The following CDH18 variants were observed in gnomAD, a reference collection of about 807,000 sequenced individuals.
CDH18 encodes the protein cadherin-18.
In CDH18, 31 loss-of-function variants were observed where a neutral mutation model predicts 67.9. The observed-to-expected ratio is 0.46, with a 90% CI of 0.34 to 0.62. CDH18 has a LOEUF of 0.62. Ranked by LOEUF, CDH18 falls within the 20% of genes least tolerant of loss-of-function variation. The pLI is 0.01. For missense variants in CDH18, 890 were observed against 975.5 expected, an observed-to-expected ratio of 0.91 and a Z score of 1.17; for synonymous variants, 362 against 347.2, an observed-to-expected ratio of 1.04 and a Z score of -0.48.
At chr5:19,929,064 G>A (rs988519354) in intron 2 of CDH18, among the ~76,000 whole-genome samples, 1 of 151,954 alleles carries the variant, frequency 6.6e-6, no homozygotes, top group East Asian at 1.9e-4. Context: ...TATAAATACT[G>A]TAAACAAAAT....
At chr5:20,555,845 CCA>C (rs943441198) in intron 1 of CDH18, among the ~76,000 whole-genome samples, 2 of 151,772 alleles carry the variant, frequency 1.3e-5, no homozygotes, top group African/African-American at 4.8e-5. Context: ...TTAAAAATTC[CCA>C]GAGGTATTTT....
chr5:20,479,953 C>T (rs1407966962), intron 1 of CDH18, among the ~76,000 whole-genome samples: 2 of 152,048 alleles, frequency 1.3e-5, no homozygotes, highest in Admixed American at 1.3e-4. Context: ...TCAATAAAAA[C>T]CTTACAGGGA....
intron 2 of CDH18, among the ~76,000 whole-genome samples, chr5:20,185,271 A>C (rs571344076): frequency 6.6e-6 from 1 of 152,104 alleles, no homozygotes; most frequent in East Asian, 1.9e-4. Flanking sequence ...TCCACAGTCC[A>C]CTATATATTA....
chr5:19,602,177 C>T (rs1454198781), intron 6 of CDH18, among the ~76,000 whole-genome samples: 2 of 152,064 alleles, frequency 1.3e-5, no homozygotes, highest in Non-Finnish European at 2.9e-5. Context: ...TCACAGATGA[C>T]ATGATCTTAT....
chr5:19,524,416 C>T (rs1747414031), intron 9 of CDH18, among the ~76,000 whole-genome samples: 1 of 151,106 alleles, frequency 6.6e-6, no homozygotes, highest in African/African-American at 2.4e-5. Flanking sequence ...TAGAAACTAA[C>T]ATTAAATATC....
intron 2 of CDH18, among the ~76,000 whole-genome samples, chr5:20,214,991 T>A (rs1332513230): frequency 6.6e-6 from 1 of 151,872 alleles, no homozygotes; most frequent in Non-Finnish European, 1.5e-5. Context: ...TTAACAGATT[T>A]ACAATAAAAA....
At chr5:19,898,989 G>A (rs1218471501) in intron 2 of CDH18, among the ~76,000 whole-genome samples, 1 of 152,140 alleles carries the variant, frequency 6.6e-6, no homozygotes, top group African/African-American at 2.4e-5. Flanking sequence ...TAAAAAGTGA[G>A]CAAAATACTA....
At chr5:19,936,628 GA>G (rs989702691) in intron 2 of CDH18, among the ~76,000 whole-genome samples, 8 of 150,030 alleles carry the variant, frequency 5.3e-5, no homozygotes, top group African/African-American at 1.9e-4. Context: ...TTTCTTTAAA[GA>G]AAAAAAATAA....
At chr5:19,957,295 C>A (rs1039474272) in intron 2 of CDH18, among the ~76,000 whole-genome samples, 6 of 151,160 alleles carry the variant, frequency 4.0e-5, no homozygotes, top group African/African-American at 1.5e-4. Context: ...CACAAACATG[C>A]ATATATGTAT....
At chr5:20,549,253 A>G (rs1757505730) in intron 1 of CDH18, among the ~76,000 whole-genome samples, 1 of 152,142 alleles carries the variant, frequency 6.6e-6, no homozygotes. Flanking sequence ...GGTTTTATAA[A>G]TGTTTGTGCT....
At chr5:20,387,149 T>A (rs941862596) in intron 1 of CDH18, among the ~76,000 whole-genome samples, 3 of 152,070 alleles carry the variant, frequency 2.0e-5, no homozygotes, top group Admixed American at 1.3e-4. Flanking sequence ...CATGTAAGAA[T>A]GGATATAAAA....
intron 5 of CDH18, among the ~76,000 whole-genome samples, chr5:19,705,002 T>C (rs1337050576): frequency 6.6e-6 from 1 of 152,210 alleles, no homozygotes; most frequent in Non-Finnish European, 1.5e-5. Flanking sequence ...CATTTACAAT[T>C]CCTGCAGTAA....
chr5:19,569,057 ATTGT>A (rs1740920019), intron 8 of CDH18, among the ~76,000 whole-genome samples: 1 of 152,224 alleles, frequency 6.6e-6, no homozygotes, highest in African/African-American at 2.4e-5. Flanking sequence ...GATTTTAAAT[ATTGT>A]TTATTTTGAA....
chr5:20,036,401 AAAG>A (rs1739865497), intron 2 of CDH18, among the ~76,000 whole-genome samples: 2 of 152,018 alleles, frequency 1.3e-5, no homozygotes, highest in Non-Finnish European at 1.5e-5. Context: ...TGATACTTAA[AAAG>A]AAGAAAAAAG....
At chr5:20,369,074 G>T (rs1742758705) in intron 1 of CDH18, among the ~76,000 whole-genome samples, 1 of 151,718 alleles carries the variant, frequency 6.6e-6, no homozygotes, top group African/African-American at 2.4e-5. Flanking sequence ...TTCTCAGCTT[G>T]CCCTTGACTG....
intron 2 of CDH18, among the ~76,000 whole-genome samples, chr5:20,146,222 A>G (rs1750634015): frequency 6.6e-6 from 1 of 151,934 alleles, no homozygotes; most frequent in Non-Finnish European, 1.5e-5. Context: ...TGTCTTCCCA[A>G]CCCAGTTGCT....
intron 5 of CDH18, among the ~76,000 whole-genome samples, chr5:19,624,078 G>A (rs1372253420): frequency 1.3e-5 from 2 of 150,768 alleles, no homozygotes; most frequent in African/African-American, 4.9e-5. Flanking sequence ...CGCCATCTTG[G>A]CTCACTGCAA....
chr5:19,740,002 A>G (rs1437116707), intron 4 of CDH18, among the ~76,000 whole-genome samples: 1 of 152,216 alleles, frequency 6.6e-6, no homozygotes, highest in Non-Finnish European at 1.5e-5. Flanking sequence ...AAAGACATGA[A>G]GAAGATTAGA....
chr5:20,001,917 T>C lies in CDH18; in HGVS notation c.-517-9903A>G, dbSNP rs1434718550. ...TCTGCAGTCACATTGAGCATACACA[T>C]AGGCCTCAAGTCATTTTCAAAGTGG... On this transcript the variant is annotated intron_variant, in intron 2 of 14. Transcript: ENST00000507958. 4.6e-5 allele frequency among the ~76,000 whole-genome samples: 7 copies of C among 152,176 alleles called. No homozygotes were observed. The South Asian group carries it at 1.0e-3, about 22-fold the overall frequency.
Sources: allele counts gnomAD v4.1 joint callset (sites outside exome capture counted in the v4.1 genomes callset), GRCh38; gene constraint gnomAD v4.1.1; transcripts MANE v1.5; gene names NCBI Gene and HGNC (gene_info 2026-07-23, HGNC 2026-07-21).